Variants in YY1 observed in about 807,000 individuals in gnomAD.
YY1 encodes transcriptional repressor protein YY1.
Under a neutral mutation model 35.6 loss-of-function variants are expected in YY1, and 2 were observed. The observed-to-expected ratio is 0.06, with a 90% confidence interval of 0.02 to 0.18. The LOEUF (loss-of-function observed/expected upper bound fraction) is 0.18, where lower values mean the gene tolerates loss of function less well. Ranked by LOEUF, YY1 falls within the 10% of genes least tolerant of loss-of-function variation. YY1 has a pLI of 1.00. For missense variants in YY1, 322 were observed against 573.4 expected (o/e 0.56, Z 4.48); for synonymous variants, 268 against 238.9 (o/e 1.12, Z -1.12).
chr14:100,243,047 C>T (rs1362998428), intron 1 of YY1, among the ~76,000 whole-genome samples: 1 of 152,186 alleles, frequency 6.6e-6, no homozygotes, highest in Non-Finnish European at 1.5e-5. Context: ...TTGTGGTAAA[C>T]TATCCCCCTT....
At chr14:100,253,075 T>C (rs1890947563) in intron 1 of YY1, among the ~76,000 whole-genome samples, 1 of 152,068 alleles carries the variant, frequency 6.6e-6, no homozygotes, top group South Asian at 2.1e-4. Context: ...CCATAGAAAC[T>C]TCTAATGGGG....
rs1415895920 is a variant in YY1 at position 100,239,938 on chromosome 14, C to G, written c.679+15C>G. 5.9e-6 allele frequency: 9 copies of G among 1,514,562 alleles called. No individual in the cohort carries two copies. Among genetic ancestry groups the G allele is most frequent in the African/African-American group, 1.4e-5 (1 of 69,112 alleles). The allele number at this position is 1,514,562 out of a possible 1,614,324, so 93.8% of individuals were successfully genotyped here. On this transcript the variant is annotated intron_variant, in intron 1 of 4. Coordinates refer to ENST00000262238, the MANE Select transcript of YY1 (RefSeq NM_003403.5). ...GTGGTCCTCAGGTGAGCGCCGGCCG[C>G]GCGCCCCGGCCCCGGGATGTTTTTG... is the stretch of plus-strand genomic sequence containing the variant.
intron 1 of YY1, among the ~76,000 whole-genome samples, chr14:100,255,594 G>C (rs1446228605): frequency 1.3e-5 from 2 of 152,200 alleles, no homozygotes; most frequent in African/African-American, 4.8e-5. Flanking sequence ...ACTCCAACCT[G>C]GGGGGGACAG....
chr14:100,249,112 T>TA (rs1890882881), intron 1 of YY1, among the ~76,000 whole-genome samples: 2 of 104,504 alleles, frequency 1.9e-5, no homozygotes, highest in African/African-American at 9.0e-5. Context: ...TTTTTTTTTT[T>TA]TTTTTTTTTT....
intron 1 of YY1, among the ~76,000 whole-genome samples, chr14:100,245,608 T>G (rs1249118207): frequency 2.0e-5 from 3 of 151,502 alleles, no homozygotes; most frequent in African/African-American, 4.9e-5. Context: ...TGTTGTGGGG[T>G]TTTTTGGGTT....
intron 2 of YY1, among the ~76,000 whole-genome samples, chr14:100,268,794 G>A (rs1051992303): frequency 6.6e-6 from 1 of 152,212 alleles, no homozygotes; most frequent in Admixed American, 6.5e-5. Flanking sequence ...CAATAGCACA[G>A]ATCAGAGGAT....
intron 1 of YY1, among the ~76,000 whole-genome samples, chr14:100,248,576 C>T (rs1410663093): frequency 1.3e-5 from 2 of 151,832 alleles, no homozygotes; most frequent in South Asian, 2.1e-4. Flanking sequence ...GATCATTGTG[C>T]GCTACAGCCT....
intron 2 of YY1, among the ~76,000 whole-genome samples, chr14:100,270,929 T>C (rs1156815634): frequency 3.9e-5 from 6 of 152,008 alleles, no homozygotes; most frequent in Non-Finnish European, 8.8e-5. Flanking sequence ...TGTTCACTCT[T>C]AATTGGGAAC....
chr14:100,259,027 T>G (rs1209691106), intron 1 of YY1, among the ~76,000 whole-genome samples: 1 of 152,230 alleles, frequency 6.6e-6, no homozygotes, highest in Non-Finnish European at 1.5e-5. Flanking sequence ...TGGTCTTGAT[T>G]TTTAACACTG....
At chr14:100,258,056 T>A (rs1891028814) in intron 1 of YY1, among the ~76,000 whole-genome samples, 1 of 151,926 alleles carries the variant, frequency 6.6e-6, no homozygotes, top group African/African-American at 2.4e-5. Flanking sequence ...TGCTTGAACC[T>A]TGGAGGTCAA....
In YY1 at chr14:100,281,593, C is replaced by CT. The variant is rs1891432827; in HGVS notation, c.*3996dup. On this transcript the variant is annotated 3_prime_UTR_variant, in exon 5 of 5. Transcript: ENST00000262238. ...AAGGAAGCCAAAACTCCAAGCTGCA[C>CT]TTTCTTGGGGTTCTGGCCATGCACT... is the stretch of plus-strand genomic sequence containing the variant. 1 of 152,362 alleles carries CT rather than the reference C, an allele frequency of 6.6e-6. No individual in the cohort carries two copies. The highest frequency in any genetic ancestry group is 2.1e-4 in the South Asian group (1 of 4,826). 9.4% of individuals were successfully genotyped at this position (152,362 alleles called of 1,614,324 possible).
chr14:100,254,101 G>A (rs1890965627), intron 1 of YY1, among the ~76,000 whole-genome samples: 1 of 152,116 alleles, frequency 6.6e-6, no homozygotes. Flanking sequence ...CTCTCAAAGT[G>A]CTGGGATTAT....
intron 1 of YY1, among the ~76,000 whole-genome samples, chr14:100,249,209 C>T (rs1158329210): frequency 2.9e-5 from 4 of 139,142 alleles, no homozygotes; most frequent in African/African-American, 1.1e-4. Flanking sequence ...CAACCTTCAC[C>T]TCCTGGGTTC....
rs76033486 is a variant in YY1 at position 100,241,475 on chromosome 14, C to T, written c.679+1552C>T. On this transcript the variant is annotated intron_variant, in intron 1 of 4. Coordinates refer to ENST00000262238, the MANE Select transcript of YY1 (RefSeq NM_003403.5). ...TTGAAAGAGGCCTGAGCAAAGGGAT[C>T]TAGGAGCTGTCAAAATCTAATAGGA... is the stretch of plus-strand genomic sequence containing the variant. Among the ~76,000 whole-genome samples the T allele has an allele frequency of 1.8e-4, 27 of 152,250 alleles. No homozygotes were observed. The East Asian group carries it at 5.0e-3, about 28-fold the overall frequency.
chr14:100,281,668 A>C lies in YY1; in HGVS notation c.*4068A>C, dbSNP rs933014691. ...AGGACAAAAGGTACCCCACGCCTTCAGAATCATGCTTACCTGCACGGCAGC... is the reference window on the plus strand; with the variant it reads ...AGGACAAAAGGTACCCCACGCCTTCCGAATCATGCTTACCTGCACGGCAGC... On this transcript the variant is annotated 3_prime_UTR_variant, in exon 5 of 5. Transcript: ENST00000262238. The C allele has an allele frequency of 1.3e-5, 2 of 152,270 alleles. No homozygotes were observed. The highest frequency in any genetic ancestry group is 4.8e-5 in the African/African-American group (2 of 41,462). The allele number at this position is 152,270 out of a possible 1,614,324, so 9.4% of individuals were successfully genotyped here.
At chr14:100,255,742 C>CT (rs1356464545) in intron 1 of YY1, among the ~76,000 whole-genome samples, 6 of 152,176 alleles carry the variant, frequency 3.9e-5, no homozygotes, top group Non-Finnish European at 7.4e-5. Context: ...CTTGTCTGTG[C>CT]TTAGGGCAAA....
In YY1 at chr14:100,280,208, TTATA is replaced by T. The variant is rs1891394411; in HGVS notation, c.*2609_*2612del. The T allele has an allele frequency of 6.6e-6, 1 of 152,204 alleles. No individual in the cohort carries two copies. Among genetic ancestry groups the T allele is most frequent in the Admixed American group, 6.5e-5 (1 of 15,276 alleles). The allele number at this position is 152,204 out of a possible 1,614,324, so 9.4% of individuals were successfully genotyped here. A position where few individuals can be genotyped will look rare whatever the true frequency, so the allele number is the denominator to read the frequency against. ...AACCCATTCTGCTTGTGGTTAGAAT[TTATA>T]ATTTTGCTAACGATGTAATTTACTA... On this transcript the variant is annotated 3_prime_UTR_variant, in exon 5 of 5. Transcript: ENST00000262238.
In YY1 at chr14:100,278,774, CA is replaced by C. The variant is rs1891364716; in HGVS notation, c.*1175del. 6.6e-6 allele frequency: 1 copy of C among 152,290 alleles called. No individual in the cohort carries two copies. The highest frequency in any genetic ancestry group is 2.4e-5 in the African/African-American group (1 of 41,468). 9.4% of individuals were successfully genotyped at this position (152,290 alleles called of 1,614,324 possible). A position where few individuals can be genotyped will look rare whatever the true frequency, so the allele number is the denominator to read the frequency against. ...TAGCCCCCGGCAAGTGTGAGTGAAG[CA>C]TCTGTACCACCGCGCAGGCTGAGCG... On this transcript the variant is annotated 3_prime_UTR_variant, in exon 5 of 5. Transcript: ENST00000262238.
chr14:100,276,298 G>A lies in YY1; in HGVS notation c.904-192G>A, dbSNP rs1891316811. The A allele has an allele frequency of 2.7e-6, 2 of 733,798 alleles. No individual in the cohort carries two copies. Among genetic ancestry groups the A allele is most frequent in the Non-Finnish European group, 4.4e-6 (2 of 458,782 alleles). The allele number at this position is 733,798 out of a possible 1,614,324, so 45.5% of individuals were successfully genotyped here. On this transcript the variant is annotated intron_variant, in intron 3 of 4. Transcript: ENST00000262238. This position sits in a 1 kb window ranked among gnomAD's most constrained non-coding sequence, Gnocchi z 4.1. ...CATCTGTAAAACTAGGGTTTGCATT[G>A]AATGATGACTTTTTCAGCTGTCTGC...
Sources: gnomAD v4.1 joint callset for allele counts (sites outside exome capture counted in the v4.1 genomes callset) on GRCh38, gnomAD v4.1.1 for gene constraint, Gnocchi (gnomAD v3.1) non-coding constraint, MANE v1.5 for transcripts, NCBI Gene and HGNC (gene_info 2026-07-23, HGNC 2026-07-21) for gene names.